The following PCDH11X variants were observed in gnomAD, a reference collection of about 807,000 sequenced individuals.
The protein encoded by PCDH11X is protocadherin 11 X-linked, also known as protocadherin-11 X-linked.
In PCDH11X, 18 loss-of-function variants were observed where a neutral mutation model predicts 53.3. The observed-to-expected ratio is 0.34, with a 90% CI of 0.23 to 0.50. The LOEUF (loss-of-function observed/expected upper bound fraction) is 0.50. Ranked by LOEUF, PCDH11X falls within the 20% of genes least tolerant of loss-of-function variation. The pLI, the probability that PCDH11X is intolerant of heterozygous loss-of-function variation, is 0.98. For synonymous variants in PCDH11X, 279 were observed against 393.3 expected, an observed-to-expected ratio of 0.71 and a Z score of 3.44; for missense variants, 570 against 1,032.4, an observed-to-expected ratio of 0.55 and a Z score of 6.14.
intron 6 of PCDH11X, among the ~76,000 whole-genome samples, chrX:91,970,361 C>T (rs758528925): frequency 9.0e-6 from 1 of 111,359 alleles, no homozygotes; most frequent in East Asian, 2.8e-4. Flanking sequence ...CTGATTGGTC[C>T]ATTTTACAGA....
At chrX:92,256,477 T>G (rs1407170845) in intron 7 of PCDH11X, among the ~76,000 whole-genome samples, 3 of 111,542 alleles carry the variant, frequency 2.7e-5, no homozygotes, top group Admixed American at 9.5e-5. Context: ...CTCCGGTTTG[T>G]GTACATTGAA....
At chrX:92,174,005 A>G (rs2148280476) in intron 6 of PCDH11X, among the ~76,000 whole-genome samples, 1 of 103,979 alleles carries the variant, frequency 9.6e-6, no homozygotes, top group East Asian at 3.0e-4. Context: ...AAAAAAAAAA[A>G]AAAAAAAAGT....
At chrX:92,148,090 CTTT>C (rs2065342215) in intron 6 of PCDH11X, among the ~76,000 whole-genome samples, 1 of 17,022 alleles carries the variant, frequency 5.9e-5, no homozygotes, top group Non-Finnish European at 1.0e-4. Context: ...TTCTTTCTTT[CTTT>C]CTTTCTTTCT....
At chrX:91,791,444 C>T (rs1008980742) in intron 1 of PCDH11X, among the ~76,000 whole-genome samples, 15 of 108,413 alleles carry the variant, frequency 1.4e-4, no homozygotes, top group African/African-American at 4.4e-4. Context: ...AGGTGCCACA[C>T]ACTTTTAAAC....
At chrX:92,093,264 TC>T (rs1476185115) in intron 6 of PCDH11X, among the ~76,000 whole-genome samples, 2 of 111,687 alleles carry the variant, frequency 1.8e-5, no homozygotes, top group African/African-American at 6.5e-5. Context: ...TACGTTTTCA[TC>T]CTCACATGCT....
At chrX:92,101,904 G>C (rs1204798638) in intron 6 of PCDH11X, among the ~76,000 whole-genome samples, 1 of 103,891 alleles carries the variant, frequency 9.6e-6, no homozygotes, top group Admixed American at 1.1e-4. Flanking sequence ...GAAAGGAAAT[G>C]AGAGGTTCTG....
At chrX:92,064,487 A>AAAT (rs553608023) in intron 6 of PCDH11X, among the ~76,000 whole-genome samples, 1 of 89,895 alleles carries the variant, frequency 1.1e-5, no homozygotes, top group East Asian at 3.6e-4. Context: ...ACACAAATTA[A>AAAT]AAATAAATAA....
chrX:92,537,219 T>A (rs1044109297), intron 10 of PCDH11X, among the ~76,000 whole-genome samples: 1 of 109,960 alleles, frequency 9.1e-6, no homozygotes, highest in African/African-American at 3.3e-5. Flanking sequence ...TTGTCCATTT[T>A]TTTTTTTTTG....
chrX:92,279,617 C>A (rs900855581), intron 8 of PCDH11X, among the ~76,000 whole-genome samples: 1 of 112,273 alleles, frequency 8.9e-6, no homozygotes, highest in African/African-American at 3.2e-5. Context: ...GTTGGTTGGG[C>A]AGAAACCATA....
chrX:92,383,319 ATG>A (rs1397869487), intron 8 of PCDH11X, among the ~76,000 whole-genome samples: 4 of 28,303 alleles, frequency 1.4e-4, no homozygotes, highest in African/African-American at 3.2e-4. Flanking sequence ...CTGTAGATAA[ATG>A]TTTTTTTTTT....
chrX:92,211,260 TC>T (rs2066580735), intron 7 of PCDH11X, among the ~76,000 whole-genome samples: 1 of 111,427 alleles, frequency 9.0e-6, no homozygotes, highest in African/African-American at 3.3e-5. Flanking sequence ...CAGCACATCT[TC>T]ACATGGTGGG....
In PCDH11X at chrX:92,336,813, A is replaced by G. The variant is rs77760518; in HGVS notation, c.3145-50922A>G. Among the ~76,000 whole-genome samples the G allele has an allele frequency of 7.1e-4, 79 of 111,674 alleles. No individual in the cohort carries two copies. In the East Asian group the frequency reaches 0.016, roughly 23 times the overall value. On this transcript the variant is annotated intron_variant, in intron 8 of 10. Coordinates refer to ENST00000682573, the MANE Select transcript of PCDH11X (RefSeq NM_032968.5). ...ATTAGTTCACAGCAAAGTGTGTAAC[A>G]TAAGGTTTTTTTTTAAGAAAATAGT...
rs763265449 is a variant in PCDH11X, at chrX:91,879,059, A to T, written c.2819A>T (p.Lys940Ile). The change falls in exon 6 of 11, where the codon AAA (lysine) becomes ATA (isoleucine). Residue 940 changes from lysine (K) to isoleucine (I), a missense_variant. Physicochemically the swap from Lys to Ile is moderately radical, Grantham distance 102 (BLOSUM62 -3). This residue lies in a region of PCDH11X where 226 missense variants were observed against 457.5 expected (regional missense o/e 0.49). Coordinates refer to ENST00000682573, the MANE Select transcript of PCDH11X (RefSeq NM_032968.5). ...AGCCCTGATTTGGCCCGACACTACA[A>T]ATCTGCCTCTCCACAGCCTGCCTTC... Reference protein sequence around the residue: ...PDSPDLARHYKSASPQPAFQI... With the variant: ...PDSPDLARHYISASPQPAFQI... The T allele has an allele frequency of 1.7e-6, 2 of 1,208,827 alleles. No individual in the cohort carries two copies. Among genetic ancestry groups the T allele is most frequent in the East Asian group, 5.9e-5 (2 of 33,693 alleles).
rs751111508 is a variant in PCDH11X at position 92,179,284 on chromosome X, G to A, written c.3034-22091G>A. 3.6e-5 allele frequency among the ~76,000 whole-genome samples: 4 copies of A among 112,365 alleles called. No individual in the cohort carries two copies. In the East Asian group the frequency reaches 8.3e-4, roughly 23 times the overall value. On this transcript the variant is annotated intron_variant, in intron 6 of 10. Transcript: ENST00000682573. ...CAAAATGCAGTGTGACATTTCTGAA[G>A]TTTATAAATATATAAAGGCATCAGG... is the stretch of plus-strand genomic sequence containing the variant.
chrX:92,375,148 ATATATATATATATATATATTTTTTTTT>A (rs1420598656), intron 8 of PCDH11X, among the ~76,000 whole-genome samples: 1 of 10,279 alleles, frequency 9.7e-5, no homozygotes, highest in Non-Finnish European at 2.5e-4. Context: ...TCATTTATAT[ATATATATATATATATATATTTTTTTTT>A]TTTTTTTTTT....
chrX:92,219,275 C>A (rs1342469063), intron 7 of PCDH11X, among the ~76,000 whole-genome samples: 1 of 110,766 alleles, frequency 9.0e-6, no homozygotes, highest in East Asian at 2.8e-4. Flanking sequence ...TTGCAGATGA[C>A]ATGATTGTAT....
At chrX:92,580,616 C>T (rs1376290200) in intron 10 of PCDH11X, among the ~76,000 whole-genome samples, 2 of 111,243 alleles carry the variant, frequency 1.8e-5, no homozygotes, top group African/African-American at 6.5e-5. Flanking sequence ...CCTACTGAAG[C>T]TGCAGTGATG....
chrX:92,417,278 T>C (rs891784775), intron 9 of PCDH11X, among the ~76,000 whole-genome samples: 1 of 111,876 alleles, frequency 8.9e-6, no homozygotes, highest in African/African-American at 3.2e-5. Flanking sequence ...TCAAACACTT[T>C]CTTTTCATGT....
chrX:92,264,478 A>ATG (rs776452663), intron 8 of PCDH11X, among the ~76,000 whole-genome samples: 36 of 110,341 alleles, frequency 3.3e-4, no homozygotes, highest in Admixed American at 1.5e-3. Context: ...GTGTGATTAT[A>ATG]TGTGTGTGTG....
Sources: gnomAD v4.1 joint callset for allele counts (sites outside exome capture counted in the v4.1 genomes callset) on GRCh38, gnomAD v4.1.1 for gene constraint, gnomAD v4.1.1 regional missense constraint, MANE v1.5 for transcripts, NCBI Gene and HGNC (gene_info 2026-07-23, HGNC 2026-07-21) for gene names.